EPHB6: variants seen among roughly 807,000 people sequenced by gnomAD.
EPHB6 encodes ephrin type-B receptor 6.
Under a neutral mutation model 107.0 loss-of-function variants are expected in EPHB6, and 51 were observed. The observed-to-expected ratio is 0.48, with a 90% CI of 0.38 to 0.60. The LOEUF is 0.60. EPHB6 is among the 20% of genes least tolerant of loss of function. The probability of loss-of-function intolerance (pLI) is 0.00; values close to 1 mark genes in which losing one functional copy is unlikely to be tolerated. For missense variants in EPHB6, 1,141 were observed against 1,355.5 expected, an observed-to-expected ratio of 0.84 and a Z score of 2.48; for synonymous variants, 553 against 549.0, an observed-to-expected ratio of 1.01 and a Z score of -0.10.
intron 3 of EPHB6, 49 bp from the exon 4 acceptor site, chr7:142,862,707 G>C (rs1682272424): frequency 6.5e-6 from 1 of 154,550 alleles, no homozygotes; most frequent in Non-Finnish European, 1.4e-5. Context: ...GGATGCAGCA[G>C]CTTCTTAACC....
rs756914410 is a variant in EPHB6 at position 142,866,217 on chromosome 7, G to A, written c.1363G>A (p.Val455Ile). 5.6e-6 allele frequency: 9 copies of A among 1,614,078 alleles called. No homozygotes were observed. Among genetic ancestry groups the A allele is most frequent in the Admixed American group, 3.3e-5 (2 of 60,032 alleles). The change falls in exon 9 of 20, where the codon GTA becomes ATA. Residue 455 changes from valine to isoleucine, a missense_variant. This residue lies in a region of EPHB6 where 616 missense variants were observed against 759.3 expected (regional missense o/e 0.81). Coordinates refer to ENST00000652003, the MANE Select transcript of EPHB6 (RefSeq NM_004445.6). The surrounding 1 kb of genome is among the most constrained non-coding windows in gnomAD (Gnocchi z 5.2). ...RVLVGGLRAH[V>I]PYILEVQAVN... ...GTTAGTGGGGGGACTCCGGGCACAC[G>A]TACCCTACATCTTAGAGGTGCAGGC...
At position 142,858,159 on chromosome 7, in the gene EPHB6, A is replaced by G. The variant is rs150368714; in HGVS notation, c.-432+2774A>G. 9.2e-5 allele frequency among the ~76,000 whole-genome samples: 14 copies of G among 152,308 alleles called. No individual in the cohort carries two copies. The East Asian group carries it at 2.7e-3, about 29-fold the overall frequency. On this transcript the variant is annotated intron_variant, in intron 1 of 19. Coordinates refer to ENST00000652003, the MANE Select transcript of EPHB6 (RefSeq NM_004445.6). ...ATTGAATTATGTGTAAGACAAAATT[A>G]ATGCCCCCACCTACAATCCTTCATT...
intron 4 of EPHB6, 76 bp downstream of exon 4, chr7:142,862,909 T>C (rs2116404677): frequency 3.0e-6 from 1 of 337,940 alleles, no homozygotes; most frequent in African/African-American, 2.1e-5. Context: ...AGAGACAGGG[T>C]CACACAGGGA....
chr7:142,859,615 C>G (rs1802756686), intron 1 of EPHB6, among the ~76,000 whole-genome samples: 1 of 151,788 alleles, frequency 6.6e-6, no homozygotes, highest in Admixed American at 6.6e-5. Context: ...CCTAGTCTGA[C>G]TCAGCAACAA....
rs1794655337 is a variant in EPHB6 at position 142,867,347 on chromosome 7, G to GGA, written c.1751-261_1751-260insGA. ...GGGTGTGGATGTGGGAGGGCTGTGG[G>GGA]CGTGTGTGTGTGTTGTGTGTCCCTG... is the stretch of plus-strand genomic sequence containing the variant. On this transcript the variant is annotated intron_variant, in intron 11 of 19. Transcript: ENST00000652003. The surrounding 1 kb of genome is among the most constrained non-coding windows in gnomAD (Gnocchi z 5.3). 1 of 632,128 alleles carries GGA rather than the reference G, an allele frequency of 1.6e-6. No homozygotes were observed. Among genetic ancestry groups the GGA allele is most frequent in the African/African-American group, 1.8e-5 (1 of 54,964 alleles). 39.2% of individuals were successfully genotyped at this position (632,128 alleles called of 1,614,324 possible).
chr7:142,863,354 C>T (rs1429137734), intron 5 of EPHB6, 27 bp downstream of exon 5: 5 of 1,600,638 alleles, frequency 3.1e-6, no homozygotes, highest in Non-Finnish European at 4.3e-6. Context: ...ACAGGAGAAC[C>T]CAGACCTGCC....
At position 142,864,560 on chromosome 7, in the gene EPHB6, G is replaced by A. The variant is rs767219551; in HGVS notation, c.760G>A (p.Ala254Thr). ...PETQASGAGG[A>T]SLVAAVGTCV... The stretch of plus-strand genomic sequence containing the variant: ...GACGCAGGCCAGTGGGGCTGGGGGG[G>A]CCTCCCTGGTGGCAGCTGTGGGCAC... Residue 254 changes from alanine to threonine, a missense_variant, in exon 7 of 20, where the codon GCC (alanine) becomes ACC (threonine). Transcript: ENST00000652003. 6.2e-7 allele frequency: 1 copy of A among 1,613,200 alleles called. No individual in the cohort carries two copies. The highest frequency in any genetic ancestry group is 8.5e-7 in the Non-Finnish European group (1 of 1,179,918).
chr7:142,862,932 A>T (rs1802912045), intron 4 of EPHB6, 99 bp downstream of exon 4: 1 of 429,588 alleles, frequency 2.3e-6, no homozygotes, highest in Non-Finnish European at 4.2e-6. Flanking sequence ...AGGCACGAAC[A>T]CTCCAAGATG....
In EPHB6 at chr7:142,865,980, G is replaced by A. The variant is rs1415835372; in HGVS notation, c.1126G>A (p.Glu376Lys). 10 of 1,613,854 alleles carry A rather than the reference G, an allele frequency of 6.2e-6. No homozygotes were observed. The African/African-American group carries it at 9.3e-5, about 15-fold the overall frequency. Residue 376 changes from glutamate (E) to lysine (K), a missense_variant, in exon 9 of 20, where the codon GAG becomes AAG. By Grantham distance (56) the Glu-to-Lys change is moderately conservative. Transcript: ENST00000652003. ...PCTGPPSAPQELWFEVQGSAL... is the reference protein window; with the variant it reads ...PCTGPPSAPQKLWFEVQGSAL... ...CCCAGGTCCTCCATCGGCTCCCCAG[G>A]AGCTTTGGTTTGAGGTGCAAGGCTC... is the stretch of plus-strand genomic sequence containing the variant.
rs776913575 is a variant in EPHB6 at position 142,864,633 on chromosome 7, C to A, written c.833C>A (p.Ala278Glu). 1 of 1,612,236 alleles carries A rather than the reference C, an allele frequency of 6.2e-7. No individual in the cohort carries two copies. Among genetic ancestry groups the A allele is most frequent in the South Asian group, 1.1e-5 (1 of 91,048 alleles). The part of the protein sequence containing the change: ...EPEEDGVGGQ[A>E]GGSPPRLHCN... The stretch of plus-strand genomic sequence containing the variant: ...GAGGAGGATGGAGTAGGGGGCCAGG[C>A]AGGAGGCAGCCCCCCCAGGCTGCAC... Residue 278 changes from alanine (A) to glutamate (E), a missense_variant, in exon 7 of 20, where the codon GCA becomes GAA. Ala to Glu is a moderately radical substitution (Grantham distance 107). This residue lies in a region of EPHB6 where 304 missense variants were observed against 295.7 expected (regional missense o/e 1.03). Coordinates refer to ENST00000652003, the MANE Select transcript of EPHB6 (RefSeq NM_004445.6).
rs561585141 is a variant in EPHB6, at chr7:142,864,701, C to T, written c.901C>T (p.Arg301Cys). Residue 301 changes from arginine (R) to cysteine (C), a missense_variant, in exon 7 of 20, where the codon CGC becomes TGC. Physicochemically the swap from Arg to Cys is radical, Grantham distance 180. Around this residue, in one of 3 missense-constraint regions of EPHB6, gnomAD observed 304 missense variants for 295.7 expected, o/e 1.03. Transcript: ENST00000652003. ...GKWMVAVGGC[R>C]CQPGYQPARG... Reference sequence around the variant, plus strand: ...GTGGATGGTAGCTGTCGGGGGCTGCCGCTGCCAGCCTGGATACCAACCAGC... The same window carrying T: ...GTGGATGGTAGCTGTCGGGGGCTGCTGCTGCCAGCCTGGATACCAACCAGC... 1.3e-4 allele frequency: 215 copies of T among 1,612,818 alleles called. 8 individuals are homozygous for T. The South Asian group carries it at 2.3e-3, about 17-fold the overall frequency.
chr7:142,862,702 C>A (rs1244460513), intron 3 of EPHB6, 54 bp from the exon 4 acceptor site: 1 of 154,352 alleles, frequency 6.5e-6, no homozygotes, highest in Non-Finnish European at 1.4e-5. Flanking sequence ...CTGTAGGATG[C>A]AGCAGCTTCT....
Position 142,868,742 on chromosome 7 carries a change from C to A in EPHB6, c.2286+3C>A. The A allele has an allele frequency of 1.2e-6, 2 of 1,613,844 alleles. No individual in the cohort carries two copies. Among genetic ancestry groups the A allele is most frequent in the South Asian group, 2.2e-5 (2 of 91,054 alleles). On this transcript the variant is annotated splice_donor_region_variant and intron_variant, in intron 15 of 19. Transcript: ENST00000652003. The surrounding 1 kb of genome is among the most constrained non-coding windows in gnomAD (Gnocchi z 4.2). ...GCCCCCTGGACAGCTTCCTCAGGGT[C>A]AGTCCAGCCTGGGTGAAGGAGGAGG...
rs201556658 is a variant in EPHB6 at position 142,868,654 on chromosome 7, G to A, written c.2201G>A (p.Arg734Gln). The part of the protein sequence containing the change: ...LGQFQHPNIL[R>Q]LEGVVTKSRP... The stretch of plus-strand genomic sequence containing the variant: ...CAGTTCCAGCACCCCAACATCCTGC[G>A]GCTGGAGGGCGTGGTCACCAAGAGC... The change falls in exon 15 of 20, where the codon CGG becomes CAG. Residue 734 changes from arginine (R) to glutamine (Q), a missense_variant. Coordinates refer to ENST00000652003, the MANE Select transcript of EPHB6 (RefSeq NM_004445.6). The surrounding 1 kb of genome is among the most constrained non-coding windows in gnomAD (Gnocchi z 4.2). The A allele has an allele frequency of 8.1e-5, 130 of 1,613,800 alleles. No homozygotes were observed. The highest frequency in any genetic ancestry group is 1.0e-4 in the Non-Finnish European group (119 of 1,180,034).
chr7:142,867,028 C>T lies in EPHB6; in HGVS notation c.1710C>T (p.Gly570=). The change falls in exon 11 of 20, where the codon GGC becomes GGT. Residue 570 remains glycine, a synonymous_variant. Coordinates refer to ENST00000652003, the MANE Select transcript of EPHB6 (RefSeq NM_004445.6). This position sits in a 1 kb window ranked among gnomAD's most constrained non-coding sequence, Gnocchi z 5.3. ...GGGCCCGGACTGCTGCCGGCCACGG[C>T]CCCTACGGGGGCAAAGTCTATTTCC... ...QVRARTAAGH[G]PYGGKVYFQT... The T allele has an allele frequency of 2.5e-6, 4 of 1,613,938 alleles. No individual in the cohort carries two copies. Among genetic ancestry groups the T allele is most frequent in the Non-Finnish European group, 3.4e-6 (4 of 1,179,990 alleles).
Position 142,866,831 on chromosome 7 carries a change from G to A in EPHB6, c.1588-75G>A. 6.2e-7 allele frequency: 1 copy of A among 1,611,480 alleles called. No individual in the cohort carries two copies. Among genetic ancestry groups the A allele is most frequent in the Non-Finnish European group, 8.5e-7 (1 of 1,178,020 alleles). On this transcript the variant is annotated intron_variant, in intron 10 of 19. Transcript: ENST00000652003. The surrounding 1 kb of genome is among the most constrained non-coding windows in gnomAD (Gnocchi z 5.2). ...TCTGAGAGCCCTGTCAACCAGGGAG[G>A]GTGGCTGGGGGCCTTAGGGGCAGAA...
In EPHB6 at chr7:142,866,465, T is replaced by C; in HGVS notation, c.1463-16T>C. On this transcript the variant is annotated splice_polypyrimidine_tract_variant and intron_variant, in intron 9 of 19. Transcript: ENST00000652003. The surrounding 1 kb of genome is among the most constrained non-coding windows in gnomAD (Gnocchi z 5.2). ...GGGACTCCTATCCCCATAATAATTT[T>C]CCTTTTGCACTCTAGTGCCCTCTGC... The C allele has an allele frequency of 6.2e-7, 1 of 1,614,020 alleles. No homozygotes were observed. The highest frequency in any genetic ancestry group is 8.5e-7 in the Non-Finnish European group (1 of 1,179,988).
rs2116468612 is a variant in EPHB6 at position 142,868,427 on chromosome 7, C to T, written c.2039-65C>T. The T allele has an allele frequency of 1.2e-6, 2 of 1,613,960 alleles. No individual in the cohort carries two copies. Among genetic ancestry groups the T allele is most frequent in the African/African-American group, 1.3e-5 (1 of 75,024 alleles). ...CTTGTGGCCTCCGCTGGCCAGAGTC[C>T]CATCCAAACACAGCAGGACGCTGTG... On this transcript the variant is annotated intron_variant, in intron 14 of 19. Coordinates refer to ENST00000652003, the MANE Select transcript of EPHB6 (RefSeq NM_004445.6). This position sits in a 1 kb window ranked among gnomAD's most constrained non-coding sequence, Gnocchi z 4.2.
Position 142,870,618 on chromosome 7 carries a change from T to C in EPHB6, c.2893T>C (p.Cys965Arg), listed in dbSNP as rs749830761. ...QAWLSAIGLE[C>R]YQDNFSKFGL... ...CTGGCTTTCAGCCATTGGACTGGAG[T>C]GCTACCAGGACAACTTCTCCAAGTT... is the stretch of plus-strand genomic sequence containing the variant. The change falls in exon 19 of 20, where the codon TGC (cysteine) becomes CGC (arginine). Residue 965 changes from cysteine to arginine, a missense_variant. By Grantham distance (180) the Cys-to-Arg change is radical. Transcript: ENST00000652003. The C allele has an allele frequency of 6.6e-5, 107 of 1,614,104 alleles. No homozygotes were observed. The highest frequency in any genetic ancestry group is 8.5e-5 in the Non-Finnish European group (100 of 1,180,054).
Sources: allele counts gnomAD v4.1 joint callset (sites outside exome capture counted in the v4.1 genomes callset), GRCh38; gene constraint gnomAD v4.1.1; regional missense constraint gnomAD v4.1.1; non-coding constraint Gnocchi (gnomAD v3.1); transcripts MANE v1.5; gene names NCBI Gene and HGNC (gene_info 2026-07-23, HGNC 2026-07-21).